PRKAA2: variants seen among roughly 807,000 people sequenced by gnomAD.
The protein encoded by PRKAA2 is protein kinase AMP-activated catalytic subunit alpha 2.
Under a neutral mutation model 56.3 loss-of-function variants are expected in PRKAA2, and 40 were observed. The ratio of observed to expected loss-of-function variants is 0.71; its 90% confidence interval spans 0.55 to 0.92. The LOEUF (loss-of-function observed/expected upper bound fraction) is 0.92. Among genes scored for constraint, PRKAA2 ranks in the 40% least tolerant of loss-of-function variants. The probability of loss-of-function intolerance (pLI) is 0.00; values close to 1 mark genes in which losing one functional copy is unlikely to be tolerated. For missense variants in PRKAA2, 542 were observed against 686.9 expected, an observed-to-expected ratio of 0.79 and a Z score of 2.36; for synonymous variants, 214 against 234.2, an observed-to-expected ratio of 0.91 and a Z score of 0.79.
At chr1:56,669,655 G>A (rs1423202589) in intron 1 of PRKAA2, among the ~76,000 whole-genome samples, 5 of 152,060 alleles carry the variant, frequency 3.3e-5, no homozygotes, top group Admixed American at 6.6e-5. Context: ...AAGACACAAG[G>A]GATCTAGCCT....
At chr1:56,671,464 CG>C (rs1234457495) in intron 1 of PRKAA2, 2 of 152,062 alleles carry the variant, frequency 1.3e-5, no homozygotes, top group Non-Finnish European at 2.9e-5. Context: ...TCCTAGAAAT[CG>C]GTAAGGTTTT....
intron 1 of PRKAA2, among the ~76,000 whole-genome samples, chr1:56,666,545 T>C (rs529053641): frequency 6.6e-5 from 10 of 152,206 alleles, no homozygotes; most frequent in Non-Finnish European, 1.5e-4. Context: ...ATTTAAATAG[T>C]TCACATATTT....
At chr1:56,687,141 C>A (rs571206156) in intron 2 of PRKAA2, among the ~76,000 whole-genome samples, 21 of 152,164 alleles carry the variant, frequency 1.4e-4, no homozygotes, top group Non-Finnish European at 2.8e-4. Flanking sequence ...GTCTCGGCCT[C>A]CCAAAGTGCT....
At chr1:56,701,348 T>C (rs991615848) in intron 6 of PRKAA2, among the ~76,000 whole-genome samples, 1 of 151,936 alleles carries the variant, frequency 6.6e-6, no homozygotes, top group Non-Finnish European at 1.5e-5. Flanking sequence ...TGAGCCAAGA[T>C]TGCGCTACTG....
chr1:56,690,923 T>C (rs1349890763), intron 2 of PRKAA2, among the ~76,000 whole-genome samples: 2 of 152,208 alleles, frequency 1.3e-5, no homozygotes, highest in African/African-American at 4.8e-5. Flanking sequence ...AGCACTTTCA[T>C]GTATGTTCTG....
intron 3 of PRKAA2, among the ~76,000 whole-genome samples, chr1:56,691,985 GC>G (rs1398871624): frequency 6.7e-6 from 1 of 150,060 alleles, no homozygotes; most frequent in African/African-American, 2.4e-5. Context: ...ATTATATTTA[GC>G]CTAATTATGA....
chr1:56,697,928 G>A (rs138888583), intron 6 of PRKAA2, among the ~76,000 whole-genome samples: 138 of 151,850 alleles, frequency 9.1e-4, no homozygotes, highest in Middle Eastern at 3.4e-3. Flanking sequence ...TAATTTGTAC[G>A]TAGGTAGATG....
At position 56,704,149 on chromosome 1, in the gene PRKAA2, GCTTATCAT is replaced by G; in HGVS notation, c.976_983del (p.Leu326Ter). Reference sequence around the variant, plus strand: ...TGACCCTCAAGACCAGCTTGCAGTGGCTTATCATCTTATCATTGACAATCGGAGAATAA... The same window carrying G: ...TGACCCTCAAGACCAGCTTGCAGTGGCTTATCATTGACAATCGGAGAATAA... On this transcript the variant is annotated frameshift_variant, in exon 7 of 9. Coordinates refer to ENST00000371244, the MANE Select transcript of PRKAA2 (RefSeq NM_006252.4). LOFTEE classifies it high-confidence loss of function. 6.2e-7 allele frequency: 1 copy of G among 1,614,108 alleles called. No individual in the cohort carries two copies. Among genetic ancestry groups the G allele is most frequent in the South Asian group, 1.1e-5 (1 of 91,076 alleles).
intron 2 of PRKAA2, among the ~76,000 whole-genome samples, chr1:56,678,999 C>T (rs1466318168): frequency 6.6e-6 from 1 of 152,106 alleles, no homozygotes. Context: ...CAGCCTAATT[C>T]TTTTTAGTCT....
chr1:56,711,388 G>A lies in PRKAA2; in HGVS notation c.*3675G>A, dbSNP rs1428817667. ...ATAATGTGCAGTGTACTGAGTTAAT[G>A]TAGGCACCTCACTTTGGATTTATAA... On this transcript the variant is annotated 3_prime_UTR_variant, in exon 9 of 9. Transcript: ENST00000371244. 6.6e-6 allele frequency: 1 copy of A among 152,092 alleles called. No homozygotes were observed. The highest frequency in any genetic ancestry group is 2.4e-5 in the African/African-American group (1 of 41,426). The allele number at this position is 152,092 out of a possible 1,614,324, so 9.4% of individuals were successfully genotyped here.
intron 1 of PRKAA2, among the ~76,000 whole-genome samples, chr1:56,650,261 C>T (rs1276539637): frequency 6.6e-6 from 1 of 151,980 alleles, no homozygotes; most frequent in East Asian, 1.9e-4. Context: ...GTTAATAAAG[C>T]CTTATTTAAA....
chr1:56,682,664 A>G (rs909647091), intron 2 of PRKAA2, among the ~76,000 whole-genome samples: 2 of 152,156 alleles, frequency 1.3e-5, no homozygotes, highest in African/African-American at 4.8e-5. Flanking sequence ...TGATATGAAT[A>G]TAGTGTAGAA....
At chr1:56,677,948 C>A (rs765762411) in intron 2 of PRKAA2, among the ~76,000 whole-genome samples, 17 of 152,140 alleles carry the variant, frequency 1.1e-4, no homozygotes, top group Non-Finnish European at 2.4e-4. Context: ...TGAGCCACTG[C>A]GCCCAGGCCC....
At position 56,695,983 on chromosome 1, in the gene PRKAA2, G is replaced by A. The variant is rs1398962772; in HGVS notation, c.612G>A (p.Leu204=). The change falls in exon 6 of 9, where the codon TTG becomes TTA. Residue 204 remains leucine (L), a synonymous_variant. Coordinates refer to ENST00000371244, the MANE Select transcript of PRKAA2 (RefSeq NM_006252.4). ...ATATCTGGAGCTGTGGTGTTATCTTGTATGCTCTTCTTTGTGGCACCCTCC... is the reference window on the plus strand; with the variant it reads ...ATATCTGGAGCTGTGGTGTTATCTTATATGCTCTTCTTTGTGGCACCCTCC... ...EVDIWSCGVI[L]YALLCGTLPF... 2 of 1,611,706 alleles carry A rather than the reference G, an allele frequency of 1.2e-6. No homozygotes were observed. Among genetic ancestry groups the A allele is most frequent in the African/African-American group, 2.7e-5 (2 of 74,084 alleles).
In PRKAA2 at chr1:56,713,358, C is replaced by T. The variant is rs900755388; in HGVS notation, c.*5645C>T. 6.6e-6 allele frequency: 1 copy of T among 152,158 alleles called. No individual in the cohort carries two copies. The highest frequency in any genetic ancestry group is 2.4e-5 in the African/African-American group (1 of 41,448). The allele number at this position is 152,158 out of a possible 1,614,324, so 9.4% of individuals were successfully genotyped here. Reference sequence around the variant, plus strand: ...AATGTTTACTGCCAGCCTTGCATAGCAATGCCAGTTTGCAGTTGTGACTAT... The same window carrying T: ...AATGTTTACTGCCAGCCTTGCATAGTAATGCCAGTTTGCAGTTGTGACTAT... On this transcript the variant is annotated 3_prime_UTR_variant, in exon 9 of 9. Coordinates refer to ENST00000371244, the MANE Select transcript of PRKAA2 (RefSeq NM_006252.4).
At position 56,712,011 on chromosome 1, in the gene PRKAA2, G is replaced by T. The variant is rs1296831516; in HGVS notation, c.*4298G>T. 2 of 152,120 alleles carry T rather than the reference G, an allele frequency of 1.3e-5. No individual in the cohort carries two copies. The highest frequency in any genetic ancestry group is 2.9e-5 in the Non-Finnish European group (2 of 68,008). 9.4% of individuals were successfully genotyped at this position (152,120 alleles called of 1,614,324 possible). On this transcript the variant is annotated 3_prime_UTR_variant, in exon 9 of 9. Coordinates refer to ENST00000371244, the MANE Select transcript of PRKAA2 (RefSeq NM_006252.4). ...CACGGTGAAACATCACATCCATTTGGCATGAAGCAAAGCATTACAAATTTG... is the reference window on the plus strand; with the variant it reads ...CACGGTGAAACATCACATCCATTTGTCATGAAGCAAAGCATTACAAATTTG...
At chr1:56,647,338 A>T (rs1646651496) in intron 1 of PRKAA2, among the ~76,000 whole-genome samples, 1 of 152,236 alleles carries the variant, frequency 6.6e-6, no homozygotes, top group East Asian at 1.9e-4. Flanking sequence ...ACAAAGTTAT[A>T]TAACTTAACC....
At chr1:56,680,630 T>G (rs1644146841) in intron 2 of PRKAA2, among the ~76,000 whole-genome samples, 1 of 152,160 alleles carries the variant, frequency 6.6e-6, no homozygotes, top group African/African-American at 2.4e-5. Flanking sequence ...GTCCTTGTGA[T>G]AGTTTGCTGA....
intron 1 of PRKAA2, among the ~76,000 whole-genome samples, chr1:56,663,067 CTGTTTTTTGTTTGTTTGT>C (rs549702300): frequency 3.7e-4 from 57 of 152,184 alleles, no homozygotes; most frequent in Non-Finnish European, 6.6e-4. Flanking sequence ...GAACTCTGCT[CTGTTTTTTGTTTGTTTGT>C]TGTTTTTTGT....
Sources: allele counts gnomAD v4.1 joint callset (sites outside exome capture counted in the v4.1 genomes callset), GRCh38; gene constraint gnomAD v4.1.1; transcripts MANE v1.5; gene names NCBI Gene and HGNC (gene_info 2026-07-23, HGNC 2026-07-21).